The following RCAN3 variants were observed in gnomAD, a reference collection of about 807,000 sequenced individuals.
RCAN3 encodes the protein calcipressin-3.
In RCAN3, 19 loss-of-function variants were observed where a neutral mutation model predicts 21.9. The observed-to-expected ratio is 0.87, with a 90% CI of 0.61 to 1.27. RCAN3 has a LOEUF of 1.27. RCAN3 is among the 50% of genes most tolerant of loss of function. RCAN3 has a pLI of 0.00. For synonymous variants in RCAN3, 114 were observed against 112.3 expected, an observed-to-expected ratio of 1.01 and a Z score of -0.09; for missense variants, 240 against 300.1, an observed-to-expected ratio of 0.80 and a Z score of 1.48.
At chr1:24,514,183 G>C in intron 1 of RCAN3, 131 bp from the exon 2 acceptor site, 1 of 464,178 alleles carries the variant, frequency 2.2e-6, no homozygotes, top group Admixed American at 3.9e-5. Context: ...GTAATGCATT[G>C]ATTTAAATAT....
In RCAN3 at chr1:24,525,250, C is replaced by T. The variant is rs568496195; in HGVS notation, c.196-5968C>T. 6.6e-6 allele frequency among the ~76,000 whole-genome samples: 1 copy of T among 152,286 alleles called. No homozygotes were observed. Among genetic ancestry groups the T allele is most frequent in the Admixed American group, 6.5e-5 (1 of 15,286 alleles). On this transcript the variant is annotated intron_variant, in intron 2 of 4. Coordinates refer to ENST00000374395, the MANE Select transcript of RCAN3 (RefSeq NM_013441.4). The surrounding 1 kb of genome is among the most constrained non-coding windows in gnomAD (Gnocchi z 4.1). Reference sequence around the variant, plus strand: ...GCCTATTATCCAGCTGTCAAGCACTCTTTCTTAAGTTCCCAAGAAGGTTGA... The same window carrying T: ...GCCTATTATCCAGCTGTCAAGCACTTTTTCTTAAGTTCCCAAGAAGGTTGA...
rs7518774 is a variant in RCAN3, at chr1:24,537,861, C to T, written c.*2584C>T. ...TTGCGGTGAGCCGAGATCACGCCATCGCACTCCAGCCTCGGCAACAAGAGC... is the reference window on the plus strand; with the variant it reads ...TTGCGGTGAGCCGAGATCACGCCATTGCACTCCAGCCTCGGCAACAAGAGC... On this transcript the variant is annotated 3_prime_UTR_variant, in exon 5 of 5. Coordinates refer to ENST00000374395, the MANE Select transcript of RCAN3 (RefSeq NM_013441.4). 0.1 allele frequency: 15,831 copies of T among 152,054 alleles called. 2,112 individuals are homozygous for T. Among genetic ancestry groups the T allele is most frequent in the African/African-American group, 0.31 (12,947 of 41,378 alleles). The allele number at this position is 152,054 out of a possible 1,614,324, so 9.4% of individuals were successfully genotyped here.
At chr1:24,514,695 G>A (rs1036420809) in intron 2 of RCAN3, 128 bp downstream of exon 2, 17 of 890,456 alleles carry the variant, frequency 1.9e-5, no homozygotes, top group African/African-American at 1.5e-4. Flanking sequence ...TAGGCCGGGC[G>A]CATTGGCTCA....
rs143864954 is a variant in RCAN3 at position 24,521,322 on chromosome 1, C to T, written c.195+6755C>T. Among the ~76,000 whole-genome samples the T allele has an allele frequency of 1.0e-3, 159 of 152,284 alleles. 3 individuals carry two copies. The East Asian group carries it at 0.029, about 28-fold the overall frequency. On this transcript the variant is annotated intron_variant, in intron 2 of 4. Coordinates refer to ENST00000374395, the MANE Select transcript of RCAN3 (RefSeq NM_013441.4). ...AAAAATTAGAATGGATCAAGCTACT[C>T]AGGAGGCTGAGGTGGGAAAATTGCT...
chr1:24,529,251 A>C (rs1469360244), intron 2 of RCAN3, among the ~76,000 whole-genome samples: 1 of 151,286 alleles, frequency 6.6e-6, no homozygotes, highest in Non-Finnish European at 1.5e-5. Context: ...TACAAAAATA[A>C]AATAAAATTA....
At chr1:24,534,719 G>C (rs1650084021) in intron 4 of RCAN3, among the ~76,000 whole-genome samples, 1 of 152,198 alleles carries the variant, frequency 6.6e-6, no homozygotes, top group Non-Finnish European at 1.5e-5. Flanking sequence ...AGAATCGCTT[G>C]AACCTGGGAG....
chr1:24,505,844 T>C (rs1363534147), intron 1 of RCAN3, among the ~76,000 whole-genome samples: 1 of 152,156 alleles, frequency 6.6e-6, no homozygotes, highest in Non-Finnish European at 1.5e-5. Context: ...TTTGAAAAAT[T>C]ATTATTATTT....
chr1:24,523,271 G>A (rs973245781), intron 2 of RCAN3, among the ~76,000 whole-genome samples: 1 of 152,018 alleles, frequency 6.6e-6, no homozygotes, highest in Non-Finnish European at 1.5e-5. Flanking sequence ...CACCATGTTG[G>A]CCAGGCTGGT....
intron 2 of RCAN3, among the ~76,000 whole-genome samples, chr1:24,515,717 C>T (rs1207316770): frequency 6.6e-6 from 1 of 152,140 alleles, no homozygotes; most frequent in Admixed American, 6.5e-5. Flanking sequence ...GCGCTGGTGC[C>T]AGTTGCTTCA....
intron 4 of RCAN3, among the ~76,000 whole-genome samples, chr1:24,534,384 C>T (rs1650043757): frequency 6.6e-6 from 1 of 152,146 alleles, no homozygotes; most frequent in South Asian, 2.1e-4. Flanking sequence ...AGGCAGATCA[C>T]CTGGGGTCAG....
intron 2 of RCAN3, among the ~76,000 whole-genome samples, chr1:24,518,399 T>C (rs1244156322): frequency 6.6e-6 from 1 of 152,150 alleles, no homozygotes; most frequent in Non-Finnish European, 1.5e-5. Flanking sequence ...GAAAAATAGG[T>C]GGAGAAAAGG....
chr1:24,534,981 G>A (rs11799673), intron 4 of RCAN3, 112 bp from the exon 5 acceptor site: 34,877 of 975,456 alleles, frequency 0.036, 1,885 homozygotes, highest in African/African-American at 0.23. Flanking sequence ...AAGATTTAAA[G>A]AACAAGAATC....
intron 2 of RCAN3, among the ~76,000 whole-genome samples, chr1:24,526,282 G>A (rs1213625660): frequency 6.6e-6 from 1 of 152,030 alleles, no homozygotes; most frequent in Non-Finnish European, 1.5e-5. Context: ...TGTAGAGATG[G>A]GGTCTTGCAG....
In RCAN3 at chr1:24,540,625, G is replaced by A. The variant is rs569194628; in HGVS notation, c.*5348G>A. The A allele has an allele frequency of 6.6e-6, 1 of 152,196 alleles. No homozygotes were observed. The highest frequency in any genetic ancestry group is 1.5e-5 in the Non-Finnish European group (1 of 68,014). The allele number at this position is 152,196 out of a possible 1,614,324, so 9.4% of individuals were successfully genotyped here. A position where few individuals can be genotyped will look rare whatever the true frequency, so the allele number is the denominator to read the frequency against. On this transcript the variant is annotated 3_prime_UTR_variant, in exon 5 of 5. Coordinates refer to ENST00000374395, the MANE Select transcript of RCAN3 (RefSeq NM_013441.4). ...TTGATTGACGGTTCTGCTATAATGT[G>A]CGTGCCCTTCAAGTTTCAGAAAACT...
chr1:24,534,583 G>A (rs13373814), intron 4 of RCAN3, among the ~76,000 whole-genome samples: 4,470 of 150,100 alleles, frequency 0.03, 246 homozygotes, highest in African/African-American at 0.1. Context: ...CTCCAGCCTG[G>A]GCGACAGAGC....
Position 24,539,624 on chromosome 1 carries a change from A to G in RCAN3, c.*4347A>G, listed in dbSNP as rs1650404298. 6.6e-6 allele frequency: 1 copy of G among 152,242 alleles called. No homozygotes were observed. The highest frequency in any genetic ancestry group is 2.4e-5 in the African/African-American group (1 of 41,472). 9.4% of individuals were successfully genotyped at this position (152,242 alleles called of 1,614,324 possible). The stretch of plus-strand genomic sequence containing the variant: ...GAGTTCTATTCAAGACGGAACTGCT[A>G]TGACTGGCCTATTCAAGGCTTCATA... On this transcript the variant is annotated 3_prime_UTR_variant, in exon 5 of 5. Transcript: ENST00000374395.
rs1461941146 is a variant in RCAN3, at chr1:24,539,129, A to C, written c.*3852A>C. ...CTGACTTAGGCACCCCCAGCAAGGC[A>C]ACCCAGGGACTACAACTGGCAATCC... On this transcript the variant is annotated 3_prime_UTR_variant, in exon 5 of 5. Transcript: ENST00000374395. 6.6e-6 allele frequency: 1 copy of C among 152,146 alleles called. No individual in the cohort carries two copies. The highest frequency in any genetic ancestry group is 1.5e-5 in the Non-Finnish European group (1 of 68,038). The allele number at this position is 152,146 out of a possible 1,614,324, so 9.4% of individuals were successfully genotyped here.
At chr1:24,510,670 G>C (rs909091396) in intron 1 of RCAN3, among the ~76,000 whole-genome samples, 1 of 152,216 alleles carries the variant, frequency 6.6e-6, no homozygotes, top group Non-Finnish European at 1.5e-5. Context: ...TCAGCGATAA[G>C]TCTGTTTTTG....
At chr1:24,510,747 A>T (rs557087745) in intron 1 of RCAN3, among the ~76,000 whole-genome samples, 1 of 152,276 alleles carries the variant, frequency 6.6e-6, no homozygotes, top group Admixed American at 6.5e-5. Context: ...TTTCCTTTGC[A>T]TTCACAACTT....
Sources: gnomAD v4.1 joint callset for allele counts (sites outside exome capture counted in the v4.1 genomes callset) on GRCh38, gnomAD v4.1.1 for gene constraint, Gnocchi (gnomAD v3.1) non-coding constraint, MANE v1.5 for transcripts, NCBI Gene and HGNC (gene_info 2026-07-23, HGNC 2026-07-21) for gene names.